The following NAALADL2 variants were observed in gnomAD, a reference collection of about 807,000 sequenced individuals.
The protein encoded by NAALADL2 is N-acetylated alpha-linked acidic dipeptidase like 2, also known as inactive N-acetylated-alpha-linked acidic dipeptidase-like protein 2.
In NAALADL2, 76 loss-of-function variants were observed where a neutral mutation model predicts 87.2. The observed-to-expected ratio is 0.87, with a 90% CI of 0.72 to 1.05. The LOEUF is 1.05. NAALADL2 is among the 50% of genes least tolerant of loss of function. NAALADL2 has a pLI of 0.00. For missense variants in NAALADL2, 1,089 were observed against 945.8 expected (o/e 1.15, Z -1.99); for synonymous variants, 354 against 331.0 (o/e 1.07, Z -0.75).
chr3:175,366,369 T>C (rs1166401923), intron 5 of NAALADL2, among the ~76,000 whole-genome samples: 1 of 151,962 alleles, frequency 6.6e-6, no homozygotes. Context: ...TTTGGGTATA[T>C]ACCCAGTAAT....
chr3:175,048,527 T>C (rs1432297182), intron 1 of NAALADL2, among the ~76,000 whole-genome samples: 1 of 146,366 alleles, frequency 6.8e-6, no homozygotes, highest in African/African-American at 2.6e-5. Flanking sequence ...TTTTTTTTTG[T>C]GGTGAAGTCA....
chr3:175,040,486 G>C (rs996242654), intron 1 of NAALADL2, among the ~76,000 whole-genome samples: 1 of 152,152 alleles, frequency 6.6e-6, no homozygotes, highest in Non-Finnish European at 1.5e-5. Context: ...TTTCCATAAA[G>C]TGTCAGTGCA....
At chr3:175,114,945 A>T (rs550530838) in intron 2 of NAALADL2, among the ~76,000 whole-genome samples, 19 of 151,648 alleles carry the variant, frequency 1.3e-4, no homozygotes, top group Non-Finnish European at 2.7e-4. Flanking sequence ...TTTACGAATT[A>T]CATTACTGGT....
chr3:175,335,258 T>G (rs1761863282), intron 5 of NAALADL2, among the ~76,000 whole-genome samples: 1 of 152,244 alleles, frequency 6.6e-6, no homozygotes. Flanking sequence ...CAGTCATATT[T>G]GAAGTGTTTA....
intron 2 of NAALADL2, among the ~76,000 whole-genome samples, chr3:175,201,791 T>C (rs376639821): frequency 4.9e-5 from 6 of 122,154 alleles, no homozygotes; most frequent in African/African-American, 8.1e-5. Flanking sequence ...GGTACTTATT[T>C]GGAAAAAAAA....
chr3:175,461,103 A>C (rs1326845359), intron 6 of NAALADL2, among the ~76,000 whole-genome samples: 1 of 151,950 alleles, frequency 6.6e-6, no homozygotes, highest in African/African-American at 2.4e-5. Flanking sequence ...TGATTGGTGC[A>C]TTTTTACAGA....
intron 2 of NAALADL2, among the ~76,000 whole-genome samples, chr3:174,565,077 C>A (rs571184566): frequency 6.6e-6 from 1 of 152,014 alleles, no homozygotes; most frequent in African/African-American, 2.4e-5. Flanking sequence ...CATATACACC[C>A]TCACCACCAT....
intron 5 of NAALADL2, among the ~76,000 whole-genome samples, chr3:175,431,710 A>G (rs1246437105): frequency 2.0e-5 from 3 of 151,992 alleles, no homozygotes; most frequent in Non-Finnish European, 2.9e-5. Flanking sequence ...AGGTCAGGAT[A>G]TTTTACTTTA....
intron 9 of NAALADL2, among the ~76,000 whole-genome samples, chr3:175,490,924 A>G (rs1426169264): frequency 6.6e-6 from 1 of 152,168 alleles, no homozygotes; most frequent in Non-Finnish European, 1.5e-5. Flanking sequence ...TTGAGGTACG[A>G]GATTTTAGAA....
chr3:175,802,560 T>A (rs940899805), intron 13 of NAALADL2, among the ~76,000 whole-genome samples: 1 of 152,072 alleles, frequency 6.6e-6, no homozygotes, highest in African/African-American at 2.4e-5. Flanking sequence ...CATTATATAT[T>A]GTATTGCAAT....
intron 11 of NAALADL2, among the ~76,000 whole-genome samples, chr3:175,677,803 G>A (rs917912046): frequency 6.6e-6 from 1 of 152,260 alleles, no homozygotes; most frequent in Admixed American, 6.5e-5. Flanking sequence ...GCGAGTTTAT[G>A]AATTTAATGA....
chr3:175,103,478 G>A (rs1000627923), intron 2 of NAALADL2, among the ~76,000 whole-genome samples: 3 of 152,248 alleles, frequency 2.0e-5, no homozygotes, highest in African/African-American at 7.2e-5. Flanking sequence ...CTAAAGGAAT[G>A]ACAAATTTAC....
At chr3:175,743,621 G>A (rs2150103935) in intron 12 of NAALADL2, among the ~76,000 whole-genome samples, 1 of 152,342 alleles carries the variant, frequency 6.6e-6, no homozygotes, top group African/African-American at 2.4e-5. Context: ...TATCTTAACT[G>A]GGGTTGGAAT....
chr3:175,413,898 A>G (rs779269455), intron 5 of NAALADL2, among the ~76,000 whole-genome samples: 11 of 152,220 alleles, frequency 7.2e-5, no homozygotes, highest in Non-Finnish European at 1.5e-4. Context: ...ATTCTGGAGT[A>G]TACTATTGTT....
At chr3:175,134,549 A>C (rs924836328) in intron 2 of NAALADL2, among the ~76,000 whole-genome samples, 1 of 152,156 alleles carries the variant, frequency 6.6e-6, no homozygotes, top group Non-Finnish European at 1.5e-5. Context: ...AATAACCCTT[A>C]CACCTAAATA....
chr3:175,056,319 A>T (rs1389781938), intron 1 of NAALADL2, among the ~76,000 whole-genome samples: 1 of 152,126 alleles, frequency 6.6e-6, no homozygotes, highest in Non-Finnish European at 1.5e-5. Context: ...AAAAGTTTCC[A>T]AAGTGGAATG....
At chr3:175,093,269 G>A (rs1257292448) in intron 1 of NAALADL2, among the ~76,000 whole-genome samples, 1 of 151,460 alleles carries the variant, frequency 6.6e-6, no homozygotes, top group East Asian at 1.9e-4. Context: ...AACGTGATAT[G>A]TTTTTGTCTC....
At chr3:174,823,179 T>G (rs552366193) in intron 3 of NAALADL2, among the ~76,000 whole-genome samples, 98 of 152,184 alleles carry the variant, frequency 6.4e-4, no homozygotes, top group Non-Finnish European at 1.3e-3. Context: ...CCCAAGTGTT[T>G]GGAGTTTTCC....
At chr3:175,441,936 CTTTATT>C (rs980469360) in intron 5 of NAALADL2, among the ~76,000 whole-genome samples, 1 of 151,884 alleles carries the variant, frequency 6.6e-6, no homozygotes, top group Non-Finnish European at 1.5e-5. Context: ...ACTGACTTTT[CTTTATT>C]TTTATTTTTA....
Sources: gnomAD v4.1 joint callset for allele counts (sites outside exome capture counted in the v4.1 genomes callset) on GRCh38, gnomAD v4.1.1 for gene constraint, MANE v1.5 for transcripts, NCBI Gene and HGNC (gene_info 2026-07-23, HGNC 2026-07-21) for gene names.